DPH6: variants seen among roughly 807,000 people sequenced by gnomAD.
DPH6 encodes the protein diphthine--ammonia ligase.
Under a neutral mutation model 38.2 loss-of-function variants are expected in DPH6, and 33 were observed. That is an observed-to-expected ratio of 0.86 (90% confidence interval 0.65 to 1.15). DPH6 has a LOEUF of 1.15. Among genes scored for constraint, DPH6 ranks in the 50% most tolerant of loss-of-function variants. The pLI is 0.00. For synonymous variants in DPH6, 108 were observed against 103.0 expected, an observed-to-expected ratio of 1.05 and a Z score of -0.30; for missense variants, 325 against 320.0, an observed-to-expected ratio of 1.02 and a Z score of -0.12.
chr15:35,343,178 G>T (rs1566875266), intron 3 of DPH6, among the ~76,000 whole-genome samples: 1 of 152,044 alleles, frequency 6.6e-6, no homozygotes, highest in Non-Finnish European at 1.5e-5. Context: ...CAAAATGTAA[G>T]ATATCTTAAC....
chr15:35,328,081 A>G (rs548723238), downstream of DPH6, among the ~76,000 whole-genome samples: 1 of 152,230 alleles, frequency 6.6e-6, no homozygotes, highest in African/African-American at 2.4e-5. Context: ...CAAAACTTCC[A>G]TGTACTTGGA....
In DPH6 at chr15:35,371,970, T is replaced by C; in HGVS notation, c.*180A>G. The C allele has an allele frequency of 1.5e-6, 2 of 1,306,514 alleles. No homozygotes were observed. The highest frequency in any genetic ancestry group is 2.0e-6 in the Non-Finnish European group (2 of 1,024,602). The allele number at this position is 1,306,514 out of a possible 1,614,324, so 80.9% of individuals were successfully genotyped here. ...AGAAAGTTGGCACTATTAATGAACA[T>C]GCCGTCGACATTTTCCCAATTAATA... is the stretch of plus-strand genomic sequence containing the variant. On this transcript the variant is annotated 3_prime_UTR_variant, in exon 9 of 9. Transcript: ENST00000256538.
intron 3 of DPH6, among the ~76,000 whole-genome samples, chr15:35,274,938 G>A (rs1260341830): frequency 1.3e-5 from 2 of 150,066 alleles, no homozygotes; most frequent in East Asian, 1.9e-4. Flanking sequence ...TTTTTGAGAC[G>A]GAGTCTGGCT....
chr15:35,394,433 T>C (rs1024705981), intron 6 of DPH6, among the ~76,000 whole-genome samples: 3 of 152,194 alleles, frequency 2.0e-5, no homozygotes, highest in Non-Finnish European at 2.9e-5. Flanking sequence ...TTGTAAATAA[T>C]AGTACTGATC....
chr15:35,179,204 C>CAAAAAAAAAAAAA, the DPH6 span, among the ~76,000 whole-genome samples: 1 of 50,590 alleles, frequency 2.0e-5, no homozygotes, highest in African/African-American at 7.9e-5. Flanking sequence ...ACAACTCTGT[C>CAAAAAAAAAAAAA]AAAAAAAAAA....
At chr15:35,231,452 T>A (rs978498060) in intron 3 of DPH6, among the ~76,000 whole-genome samples, 5 of 152,226 alleles carry the variant, frequency 3.3e-5, no homozygotes, top group African/African-American at 1.2e-4. Context: ...TCCAGTGATA[T>A]AGAGTTAAAA....
intron 3 of DPH6, among the ~76,000 whole-genome samples, chr15:35,351,218 C>T (rs1486368167): frequency 1.3e-5 from 2 of 151,986 alleles, no homozygotes; most frequent in African/African-American, 4.8e-5. Context: ...GTATATCAAC[C>T]CCTGCTGTCA....
intron 5 of DPH6, among the ~76,000 whole-genome samples, chr15:35,436,523 T>G (rs1283087040): frequency 1.4e-4 from 4 of 27,664 alleles, no homozygotes; most frequent in South Asian, 2.5e-3. Context: ...ACAAAAAAGG[T>G]TCTCTCCCTG....
chr15:35,395,057 A>G (rs978482983), intron 6 of DPH6, among the ~76,000 whole-genome samples: 22 of 152,216 alleles, frequency 1.4e-4, no homozygotes, highest in African/African-American at 5.1e-4. Flanking sequence ...CTGAAATTAA[A>G]TATGTGTAAG....
At position 35,520,226 on chromosome 15, in the gene DPH6, AAAAC is replaced by A. The variant is rs1027158851; in HGVS notation, c.312+18044_312+18047del. 938 of 733,216 alleles carry A rather than the reference AAAAC, an allele frequency of 1.3e-3. 2 individuals carry two copies. The highest frequency in any genetic ancestry group is 2.1e-3 in the Middle Eastern group (3 of 1,438). The allele number at this position is 733,216 out of a possible 1,614,324, so 45.4% of individuals were successfully genotyped here. On this transcript the variant is annotated intron_variant, in intron 3 of 8. Transcript: ENST00000256538. ...CGTGAAAGTAAACATGCTACAAAAA[AAAAC>A]AAAAAAAAAACAAAAGAAGAAGAAT... is the stretch of plus-strand genomic sequence containing the variant.
intron 3 of DPH6, among the ~76,000 whole-genome samples, chr15:35,506,460 T>G (rs1038812593): frequency 6.6e-6 from 1 of 152,148 alleles, no homozygotes; most frequent in African/African-American, 2.4e-5. Flanking sequence ...AGAGTCTGAG[T>G]GCCAGCATTT....
chr15:35,319,788 T>G (rs573255034), intron 3 of DPH6, among the ~76,000 whole-genome samples: 1 of 151,568 alleles, frequency 6.6e-6, no homozygotes, highest in African/African-American at 2.4e-5. Flanking sequence ...TAATATATAA[T>G]AAAACATATT....
intron 2 of DPH6, among the ~76,000 whole-genome samples, chr15:35,541,107 A>G (rs1293853323): frequency 6.6e-6 from 1 of 152,040 alleles, no homozygotes; most frequent in East Asian, 1.9e-4. Flanking sequence ...CTAAAAAACC[A>G]TCTGTTACTC....
At chr15:35,478,319 TA>T (rs148094903) in intron 3 of DPH6, among the ~76,000 whole-genome samples, 14,405 of 150,566 alleles carry the variant, frequency 0.096, 925 homozygotes, top group African/African-American at 0.18. Context: ...GAAAAAAATG[TA>T]AAGAAAACAC....
intron 3 of DPH6, among the ~76,000 whole-genome samples, chr15:35,348,331 G>A (rs2052479952): frequency 6.6e-6 from 1 of 152,090 alleles, no homozygotes; most frequent in African/African-American, 2.4e-5. Flanking sequence ...TTTGTATATG[G>A]TGTAAGAGTG....
chr15:35,392,213 G>T (rs570817422), intron 6 of DPH6, among the ~76,000 whole-genome samples: 2 of 152,118 alleles, frequency 1.3e-5, no homozygotes, highest in African/African-American at 4.8e-5. Context: ...TTTTCTTTCT[G>T]GCACACTTAT....
intron 3 of DPH6, among the ~76,000 whole-genome samples, chr15:35,229,160 T>C (rs1290514901): frequency 6.6e-6 from 1 of 152,188 alleles, no homozygotes; most frequent in Non-Finnish European, 1.5e-5. Flanking sequence ...CCCTACCTCC[T>C]CTTTAAGGCC....
intron 3 of DPH6, among the ~76,000 whole-genome samples, chr15:35,457,959 C>A (rs1401713611): frequency 6.6e-6 from 1 of 152,132 alleles, no homozygotes; most frequent in African/African-American, 2.4e-5. Flanking sequence ...CCCCTCAAAT[C>A]AAAATCCACA....
chr15:35,253,673 T>C (rs1301844946), intron 3 of DPH6, among the ~76,000 whole-genome samples: 1 of 152,226 alleles, frequency 6.6e-6, no homozygotes. Context: ...GATTCATCTG[T>C]CAATTTTGAC....
Sources: allele counts gnomAD v4.1 joint callset (sites outside exome capture counted in the v4.1 genomes callset), GRCh38; gene constraint gnomAD v4.1.1; transcripts MANE v1.5; gene names NCBI Gene and HGNC (gene_info 2026-07-23, HGNC 2026-07-21).